Variants in COL10A1 observed in about 807,000 individuals in gnomAD.
The protein encoded by COL10A1 is collagen type X alpha 1 chain, also known as collagen alpha-1(X) chain.
COL10A1 carries 10 observed loss-of-function variants against 18.2 expected under a neutral mutation model. That is an observed-to-expected ratio of 0.55 (90% CI 0.34 to 0.93). The LOEUF is 0.93. COL10A1 is among the 40% of genes least tolerant of loss of function. The probability of loss-of-function intolerance (pLI) is 0.02; values close to 1 mark genes in which losing one functional copy is unlikely to be tolerated. For synonymous variants in COL10A1, 330 were observed against 316.6 expected, an observed-to-expected ratio of 1.04 and a Z score of -0.45; for missense variants, 897 against 853.5, an observed-to-expected ratio of 1.05 and a Z score of -0.64.
the COL10A1 span, among the ~76,000 whole-genome samples, chr6:116,182,855 G>C: frequency 2.0e-5 from 3 of 151,898 alleles, no homozygotes; most frequent in Non-Finnish European, 2.9e-5. Flanking sequence ...TTACTCTGCT[G>C]ATTGTATTTT....
chr6:116,170,383 G>A, the COL10A1 span, among the ~76,000 whole-genome samples: 1 of 152,114 alleles, frequency 6.6e-6, no homozygotes, highest in Non-Finnish European at 1.5e-5. Flanking sequence ...ATTCTGCCAC[G>A]TAGTTGGTGT....
chr6:116,196,349 A>C, the COL10A1 span, among the ~76,000 whole-genome samples: 3 of 152,076 alleles, frequency 2.0e-5, no homozygotes, highest in Non-Finnish European at 4.4e-5. Context: ...TAACTACAGC[A>C]ACAAAATATA....
At chr6:116,163,141 A>AAAAATATATAT (rs761718922), upstream of COL10A1, among the ~76,000 whole-genome samples, 14 of 88,392 alleles carry the variant, frequency 1.6e-4, no homozygotes, top group African/African-American at 7.5e-4. Flanking sequence ...AAAAAAAAAA[A>AAAAATATATAT]ATATATATAT....
chr6:116,157,677 T>C (rs542873408), intron 1 of COL10A1, among the ~76,000 whole-genome samples: 82 of 152,290 alleles, frequency 5.4e-4, no homozygotes, highest in South Asian at 1.2e-3. Context: ...TTGGGCTCAT[T>C]TTTTAACAAA....
chr6:116,138,453 A>G (rs1278636816), intron 1 of COL10A1, among the ~76,000 whole-genome samples: 1 of 152,212 alleles, frequency 6.6e-6, no homozygotes, highest in African/African-American at 2.4e-5. Context: ...CAAATTGGTG[A>G]ACACTGTTTT....
chr6:116,175,131 G>A, the COL10A1 span, among the ~76,000 whole-genome samples: 1 of 151,994 alleles, frequency 6.6e-6, no homozygotes, highest in Non-Finnish European at 1.5e-5. Context: ...TGTATATTTT[G>A]TATAGAGTTT....
At position 116,119,146 on chromosome 6, in the gene COL10A1, A is replaced by C. The variant is rs530889604; in HGVS notation, c.*927T>G. On this transcript the variant is annotated 3_prime_UTR_variant, in exon 3 of 3. Transcript: ENST00000651968. ...ATATAAAAATACAGTACAGTGCATA[A>C]ATAAATAATATATCTCCACTTCTAG... is the stretch of plus-strand genomic sequence containing the variant. 1 of 152,766 alleles carries C rather than the reference A, an allele frequency of 6.5e-6. No individual in the cohort carries two copies. The highest frequency in any genetic ancestry group is 2.1e-4 in the South Asian group (1 of 4,826). The allele number at this position is 152,766 out of a possible 1,614,324, so 9.5% of individuals were successfully genotyped here.
the COL10A1 span, among the ~76,000 whole-genome samples, chr6:116,176,358 T>C: frequency 6.6e-6 from 1 of 152,194 alleles, no homozygotes; most frequent in South Asian, 2.1e-4. Flanking sequence ...GTGGTTTGCT[T>C]CTGTTGGGCC....
the COL10A1 span, among the ~76,000 whole-genome samples, chr6:116,184,856 AT>A: frequency 2.0e-4 from 31 of 151,298 alleles, no homozygotes; most frequent in African/African-American, 6.3e-4. Context: ...ATGTTTTGTA[AT>A]TTTTTTTGTT....
At chr6:116,127,651 CTT>C (rs1237131302), upstream of COL10A1, among the ~76,000 whole-genome samples, 7 of 151,990 alleles carry the variant, frequency 4.6e-5, no homozygotes, top group Non-Finnish European at 8.8e-5. Flanking sequence ...GGTGAGGTAA[CTT>C]TATGGATGCT....
chr6:116,124,317 G>A (rs1419449593), intron 2 of COL10A1, among the ~76,000 whole-genome samples: 3 of 152,234 alleles, frequency 2.0e-5, no homozygotes, highest in East Asian at 3.9e-4. Flanking sequence ...GGAGTTTGAA[G>A]CCTACAGTCA....
the COL10A1 span, among the ~76,000 whole-genome samples, chr6:116,179,875 C>A: frequency 9.1e-3 from 1,383 of 152,216 alleles, 111 homozygotes; most frequent in East Asian, 0.19. Flanking sequence ...TCATGAAAAT[C>A]ACTCTCATCC....
chr6:116,197,305 G>T, the COL10A1 span, among the ~76,000 whole-genome samples: 1 of 151,874 alleles, frequency 6.6e-6, no homozygotes, highest in Admixed American at 6.6e-5. Context: ...CCCTTTACTG[G>T]TGGCCAACTG....
At chr6:116,139,288 G>T (rs921490587) in intron 1 of COL10A1, among the ~76,000 whole-genome samples, 5 of 152,058 alleles carry the variant, frequency 3.3e-5, no homozygotes, top group African/African-American at 1.2e-4. Context: ...TTAACTTAAA[G>T]AATAAATTCT....
the COL10A1 span, among the ~76,000 whole-genome samples, chr6:116,182,178 C>G: frequency 6.6e-6 from 1 of 150,856 alleles, no homozygotes; most frequent in African/African-American, 2.4e-5. Flanking sequence ...GCTACAAATG[C>G]CATTATTTCA....
At chr6:116,144,414 T>G (rs1200832467) in intron 1 of COL10A1, among the ~76,000 whole-genome samples, 1 of 151,564 alleles carries the variant, frequency 6.6e-6, no homozygotes, top group Non-Finnish European at 1.5e-5. Flanking sequence ...GGCAGGGGAA[T>G]CTCTTGAACC....
intron 1 of COL10A1, chr6:116,125,776 G>A: frequency 3.3e-6 from 1 of 299,018 alleles, no homozygotes; most frequent in South Asian, 3.5e-5. Flanking sequence ...TTGGATGTCT[G>A]TATTAAATAA....
intron 1 of COL10A1, among the ~76,000 whole-genome samples, chr6:116,142,546 A>G (rs1166279645): frequency 1.3e-5 from 2 of 152,146 alleles, no homozygotes; most frequent in Non-Finnish European, 2.9e-5. Context: ...AAATAAACAT[A>G]TACAGGAAAA....
At chr6:116,207,848 A>G in the COL10A1 span, among the ~76,000 whole-genome samples, 1 of 151,894 alleles carries the variant, frequency 6.6e-6, no homozygotes, top group Non-Finnish European at 1.5e-5. Flanking sequence ...GTGCCTCATT[A>G]CTGATCATTA....
Sources: gnomAD v4.1 joint callset for allele counts (sites outside exome capture counted in the v4.1 genomes callset) on GRCh38, gnomAD v4.1.1 for gene constraint, MANE v1.5 for transcripts, NCBI Gene and HGNC (gene_info 2026-07-23, HGNC 2026-07-21) for gene names.